Variants in SDK1 observed in about 807,000 individuals in gnomAD.
SDK1 encodes the protein protein sidekick-1.
In SDK1, 157 loss-of-function variants were observed where a neutral mutation model predicts 245.5. The observed-to-expected ratio is 0.64, with a 90% CI of 0.56 to 0.73. SDK1 has a LOEUF of 0.73. SDK1 is among the 30% of genes least tolerant of loss of function. The pLI is 0.00. For missense variants in SDK1, 3,583 were observed against 3,002.3 expected (o/e 1.19, Z -4.52); for synonymous variants, 1,647 against 1,278.5 (o/e 1.29, Z -6.15).
At chr7:3,748,861 C>T (rs1356350738) in intron 4 of SDK1, among the ~76,000 whole-genome samples, 1 of 152,108 alleles carries the variant, frequency 6.6e-6, no homozygotes, top group Non-Finnish European at 1.5e-5. Flanking sequence ...ACAGCATCAC[C>T]GTTGTTCAGG....
At chr7:3,526,372 G>C (rs1783131345) in intron 1 of SDK1, among the ~76,000 whole-genome samples, 1 of 152,108 alleles carries the variant, frequency 6.6e-6, no homozygotes, top group Non-Finnish European at 1.5e-5. Context: ...ACATATTGGA[G>C]ATAATTTTTG....
intron 4 of SDK1, among the ~76,000 whole-genome samples, chr7:3,653,091 G>A (rs1331229503): frequency 6.6e-6 from 1 of 152,204 alleles, no homozygotes; most frequent in Non-Finnish European, 1.5e-5. Flanking sequence ...GATGAGAAAA[G>A]TCGCAGGCTT....
chr7:4,100,953 C>T (rs974349812), intron 22 of SDK1, among the ~76,000 whole-genome samples: 1 of 152,182 alleles, frequency 6.6e-6, no homozygotes. Flanking sequence ...ACCCTGAGGC[C>T]TGCCCCAGGC....
chr7:4,020,829 CTG>C (rs1786829117), intron 17 of SDK1, among the ~76,000 whole-genome samples: 1 of 152,214 alleles, frequency 6.6e-6, no homozygotes, highest in Non-Finnish European at 1.5e-5. Flanking sequence ...ATTTGTGAAA[CTG>C]TGGCATTTAC....
intron 1 of SDK1, among the ~76,000 whole-genome samples, chr7:3,589,457 G>A (rs117909386): frequency 0.014 from 2,065 of 152,310 alleles, 16 homozygotes; most frequent in Middle Eastern, 0.02. Context: ...TAGGTTTTGC[G>A]TATATTACTA....
intron 1 of SDK1, among the ~76,000 whole-genome samples, chr7:3,473,452 G>T (rs1285704370): frequency 6.6e-6 from 1 of 152,122 alleles, no homozygotes; most frequent in Non-Finnish European, 1.5e-5. Context: ...GTATTGTTAG[G>T]AATTGTATAG....
intron 1 of SDK1, among the ~76,000 whole-genome samples, chr7:3,515,644 TG>T (rs1782722390): frequency 6.6e-6 from 1 of 152,220 alleles, no homozygotes; most frequent in Non-Finnish European, 1.5e-5. Context: ...GTAACTTTCG[TG>T]TTTTAGTATT....
chr7:3,872,579 TC>T (rs1364299607), intron 5 of SDK1, among the ~76,000 whole-genome samples: 2 of 111,852 alleles, frequency 1.8e-5, no homozygotes, highest in African/African-American at 7.6e-5. Flanking sequence ...GTTTTTGGTA[TC>T]TTTTTTTTTT....
At chr7:3,555,000 C>T (rs1779542319) in intron 1 of SDK1, among the ~76,000 whole-genome samples, 1 of 152,100 alleles carries the variant, frequency 6.6e-6, no homozygotes, top group Non-Finnish European at 1.5e-5. Context: ...TTCAAATGTC[C>T]ATATTACCCA....
intron 1 of SDK1, among the ~76,000 whole-genome samples, chr7:3,562,848 C>T (rs909542292): frequency 3.3e-5 from 2 of 60,354 alleles, no homozygotes; most frequent in African/African-American, 1.6e-4. Context: ...TATAAAGAGC[C>T]ACACTGAAAC....
At chr7:4,123,037 G>A (rs938850930) in intron 25 of SDK1, among the ~76,000 whole-genome samples, 1 of 152,198 alleles carries the variant, frequency 6.6e-6, no homozygotes, top group Admixed American at 6.5e-5. Context: ...TCCCCAGGTT[G>A]CCCTCTTTCT....
chr7:3,383,872 C>T (rs147008013), intron 1 of SDK1, among the ~76,000 whole-genome samples: 2 of 152,174 alleles, frequency 1.3e-5, no homozygotes, highest in Non-Finnish European at 2.9e-5. Context: ...AAAATATTTT[C>T]TCTTTAGAGA....
intron 28 of SDK1, among the ~76,000 whole-genome samples, chr7:4,135,990 A>C (rs1228344273): frequency 2.0e-5 from 3 of 152,214 alleles, no homozygotes; most frequent in East Asian, 1.9e-4. Context: ...AAAACTTAGA[A>C]GGCTGCTTGG....
intron 40 of SDK1, chr7:4,227,353 C>CA: frequency 2.1e-6 from 1 of 470,706 alleles, no homozygotes; most frequent in Non-Finnish European, 4.4e-6. Flanking sequence ...CAGCCTGCAA[C>CA]ACGGGCTTTC....
At chr7:3,838,762 C>T (rs548590462) in intron 5 of SDK1, among the ~76,000 whole-genome samples, 2 of 152,174 alleles carry the variant, frequency 1.3e-5, no homozygotes, top group African/African-American at 2.4e-5. Context: ...GTGTCCCTCA[C>T]TAGGAGACCA....
At chr7:3,705,562 G>T (rs1784863248) in intron 4 of SDK1, among the ~76,000 whole-genome samples, 1 of 151,328 alleles carries the variant, frequency 6.6e-6, no homozygotes, top group Non-Finnish European at 1.5e-5. Flanking sequence ...TTTGGTGGTT[G>T]TTGGCATGTA....
At chr7:3,429,028 G>C (rs1160124945) in intron 1 of SDK1, among the ~76,000 whole-genome samples, 1 of 152,144 alleles carries the variant, frequency 6.6e-6, no homozygotes, top group Admixed American at 6.6e-5. Context: ...GTTAAATAGT[G>C]TCTGCTCAAT....
intron 21 of SDK1, among the ~76,000 whole-genome samples, chr7:4,077,880 A>G (rs1257683345): frequency 1.3e-5 from 2 of 152,190 alleles, no homozygotes; most frequent in Non-Finnish European, 2.9e-5. Context: ...CAGCCAAACC[A>G]TATCAATGAT....
At chr7:3,500,619 T>G (rs1782167706) in intron 1 of SDK1, among the ~76,000 whole-genome samples, 1 of 152,204 alleles carries the variant, frequency 6.6e-6, no homozygotes, top group South Asian at 2.1e-4. Context: ...ATGATACAGC[T>G]AATTGTAGAT....
Sources: gnomAD v4.1 joint callset for allele counts (sites outside exome capture counted in the v4.1 genomes callset) on GRCh38, gnomAD v4.1.1 for gene constraint, MANE v1.5 for transcripts, NCBI Gene and HGNC (gene_info 2026-07-23, HGNC 2026-07-21) for gene names.